Variants in CD200R1L observed in about 807,000 individuals in gnomAD.
CD200R1L encodes the protein CD200 receptor 1 like.
Under a neutral mutation model 24.8 loss-of-function variants are expected in CD200R1L, and 14 were observed. The observed-to-expected ratio is 0.56, with a 90% CI of 0.37 to 0.88. CD200R1L has a LOEUF of 0.88. Among genes scored for constraint, CD200R1L ranks in the 40% least tolerant of loss-of-function variants. The pLI, the probability that CD200R1L is intolerant of heterozygous loss-of-function variation, is 0.00. For missense variants in CD200R1L, 299 were observed against 297.8 expected, an observed-to-expected ratio of 1.00 and a Z score of -0.03; for synonymous variants, 111 against 109.2, an observed-to-expected ratio of 1.02 and a Z score of -0.11.
intron 3 of CD200R1L, among the ~76,000 whole-genome samples, chr3:112,832,042 TC>T (rs767933011): frequency 8.5e-5 from 13 of 152,120 alleles, no homozygotes; most frequent in Non-Finnish European, 1.5e-5. Context: ...ACTGAAAGGG[TC>T]TTGGTTATCC....
chr3:112,830,714 C>T (rs1010754012), intron 3 of CD200R1L, among the ~76,000 whole-genome samples: 2 of 152,004 alleles, frequency 1.3e-5, no homozygotes, highest in South Asian at 2.1e-4. Context: ...AAAATTTCTA[C>T]ATGCCAATTT....
intron 4 of CD200R1L, 43 bp from the exon 5 acceptor site, chr3:112,827,727 A>G (rs200245198): frequency 6.5e-7 from 1 of 1,546,466 alleles, no homozygotes; most frequent in South Asian, 1.2e-5. Context: ...AAACCTTGAT[A>G]AGGAACTTCA....
At chr3:112,839,151 G>A (rs1375643493) in intron 2 of CD200R1L, among the ~76,000 whole-genome samples, 2 of 152,118 alleles carry the variant, frequency 1.3e-5, no homozygotes, top group Non-Finnish European at 2.9e-5. Flanking sequence ...GACTGATACA[G>A]ATTTGGTACC....
chr3:112,829,858 A>C (rs1240233520), intron 3 of CD200R1L, among the ~76,000 whole-genome samples: 1 of 152,168 alleles, frequency 6.6e-6, no homozygotes, highest in South Asian at 2.1e-4. Flanking sequence ...ATAATTACTA[A>C]CCAGGAAGTA....
chr3:112,821,787 C>T (rs1938543151), intron 6 of CD200R1L, among the ~76,000 whole-genome samples: 2 of 152,302 alleles, frequency 1.3e-5, no homozygotes, highest in South Asian at 2.1e-4. Context: ...GAAAACAGTG[C>T]TGGATGAACA....
At chr3:112,840,323 C>T (rs931734017) in intron 2 of CD200R1L, among the ~76,000 whole-genome samples, 2 of 152,146 alleles carry the variant, frequency 1.3e-5, no homozygotes, top group African/African-American at 4.8e-5. Flanking sequence ...TCTGGGAGGG[C>T]CTCAGGGAGC....
intron 3 of CD200R1L, among the ~76,000 whole-genome samples, 171 bp downstream of exon 3, chr3:112,837,771 C>T (rs563520886): frequency 6.8e-6 from 1 of 146,592 alleles, no homozygotes; most frequent in South Asian, 2.1e-4. Context: ...TACATGTTTG[C>T]TTTTTGTTGT....
intron 3 of CD200R1L, among the ~76,000 whole-genome samples, chr3:112,834,210 G>A (rs986626190): frequency 6.7e-6 from 1 of 150,244 alleles, no homozygotes; most frequent in African/African-American, 2.5e-5. Flanking sequence ...GAGTAGAAGT[G>A]GGGTAGTCTC....
chr3:112,845,606 G>A (rs772283615), intron 2 of CD200R1L, 73 bp downstream of exon 2: 1 of 1,204,978 alleles, frequency 8.3e-7, no homozygotes, highest in Non-Finnish European at 1.2e-6. Flanking sequence ...TAAGTAAGTA[G>A]ATCAAGAGTA....
chr3:112,843,612 C>A (rs1200341429), intron 2 of CD200R1L, among the ~76,000 whole-genome samples: 1 of 152,224 alleles, frequency 6.6e-6, no homozygotes, highest in African/African-American at 2.4e-5. Flanking sequence ...CAAAGACACA[C>A]TTAAGACATA....
In CD200R1L at chr3:112,827,738, T is replaced by C. The variant is rs1445773761; in HGVS notation, c.50-54A>G. On this transcript the variant is annotated intron_variant, in intron 4 of 7. Transcript: ENST00000488794. The stretch of plus-strand genomic sequence containing the variant: ...TAGAAAACCTTGATAAGGAACTTCA[T>C]GTGTTATGTTTATCCACAGTATATT... 3 of 1,506,380 alleles carry C rather than the reference T, an allele frequency of 2.0e-6. No homozygotes were observed. In the African/African-American group the frequency reaches 4.2e-5, roughly 21 times the overall value. 93.3% of individuals were successfully genotyped at this position (1,506,380 alleles called of 1,614,324 possible).
At chr3:112,845,596 T>C (rs1432926937) in intron 2 of CD200R1L, 83 bp downstream of exon 2, 3 of 1,114,402 alleles carry the variant, frequency 2.7e-6, no homozygotes, top group Non-Finnish European at 4.1e-6. Context: ...AAACACCTTA[T>C]AAGTAAGTAG....
intron 2 of CD200R1L, chr3:112,841,404 T>C (rs1047769657): frequency 6.0e-6 from 2 of 333,896 alleles, no homozygotes; most frequent in African/African-American, 4.4e-5. Flanking sequence ...TCTTGGGTAG[T>C]TCTTTATAGC....
At chr3:112,826,223 T>C (rs1034769198) in intron 6 of CD200R1L, among the ~76,000 whole-genome samples, 1 of 152,144 alleles carries the variant, frequency 6.6e-6, no homozygotes. Flanking sequence ...AACCAACATT[T>C]ATTAATATAA....
chr3:112,841,321 C>T (rs1293347616), intron 2 of CD200R1L: 2 of 447,908 alleles, frequency 4.5e-6, no homozygotes, highest in South Asian at 1.6e-5. Flanking sequence ...TTTGAGGCCT[C>T]CTCAGCCATG....
intron 2 of CD200R1L, among the ~76,000 whole-genome samples, chr3:112,840,720 GA>G (rs1438271709): frequency 6.6e-6 from 1 of 152,064 alleles, no homozygotes; most frequent in Non-Finnish European, 1.5e-5. Context: ...AGTGCCAGAG[GA>G]AAAAAGTACC....
chr3:112,828,590 C>G (rs1025357673), intron 4 of CD200R1L, among the ~76,000 whole-genome samples: 17 of 152,184 alleles, frequency 1.1e-4, no homozygotes, highest in African/African-American at 3.9e-4. Context: ...CATACAACCC[C>G]AGAGAGTTCA....
chr3:112,826,606 G>A (rs1938662275), intron 6 of CD200R1L, among the ~76,000 whole-genome samples: 1 of 152,096 alleles, frequency 6.6e-6, no homozygotes, highest in African/African-American at 2.4e-5. Context: ...TATTGCTTTT[G>A]GATGATGAGA....
chr3:112,824,781 C>T (rs1289365689), intron 6 of CD200R1L, among the ~76,000 whole-genome samples: 3 of 152,210 alleles, frequency 2.0e-5, no homozygotes, highest in Admixed American at 1.3e-4. Context: ...ATGCATGAAG[C>T]ATTCTGTGAG....
Sources: gnomAD v4.1 joint callset for allele counts (sites outside exome capture counted in the v4.1 genomes callset) on GRCh38, gnomAD v4.1.1 for gene constraint, MANE v1.5 for transcripts, NCBI Gene and HGNC (gene_info 2026-07-23, HGNC 2026-07-21) for gene names.